Variants in CACFD1 observed in about 807,000 individuals in gnomAD.
CACFD1 encodes the protein calcium channel flower domain containing 1.
A neutral mutation model predicts 21.3 loss-of-function variants in CACFD1; 26 were observed. The observed-to-expected ratio is 1.22, with a 90% CI of 0.89 to 1.69. CACFD1 has a LOEUF of 1.69. Ranked by LOEUF, CACFD1 falls within the 40% of genes most tolerant of loss-of-function variation. CACFD1 has a pLI of 0.00. For missense variants in CACFD1, 265 were observed against 236.2 expected (o/e 1.12, Z -0.80); for synonymous variants, 121 against 106.6 (o/e 1.13, Z -0.83).
Position 133,462,050 on chromosome 9 carries a change from A to G in CACFD1, c.122-1433A>G, listed in dbSNP as rs952943873. The G allele has an allele frequency of 9.3e-6, 12 of 1,289,902 alleles. No individual in the cohort carries two copies. In the African/African-American group the frequency reaches 1.8e-4, roughly 20 times the overall value. The allele number at this position is 1,289,902 out of a possible 1,614,324, so 79.9% of individuals were successfully genotyped here. A position where few individuals can be genotyped will look rare whatever the true frequency, so the allele number is the denominator to read the frequency against. On this transcript the variant is annotated intron_variant, in intron 1 of 4. Transcript: ENST00000316948. ...GGAAGATATCAGCATTGAGGCCCCC[A>G]AGTGGACATCCTCCAGCCCTTTATT...
At chr9:133,462,952 G>C (rs1274627555) in intron 1 of CACFD1, among the ~76,000 whole-genome samples, 1 of 152,212 alleles carries the variant, frequency 6.6e-6, no homozygotes, top group Non-Finnish European at 1.5e-5. Flanking sequence ...TGGAACTGCT[G>C]CTCAGTCTTA....
At position 133,467,912 on chromosome 9, in the gene CACFD1, TC is replaced by T; in HGVS notation, c.321-3del. The stretch of plus-strand genomic sequence containing the variant: ...CGGAGTGCCCCCTTGACCTCTGCTT[TC>T]CCCCCAGGATGGCGGTCGTTCCCAT... On this transcript the variant is annotated splice_polypyrimidine_tract_variant and splice_region_variant and intron_variant, in intron 3 of 4. Transcript: ENST00000316948. 1 of 1,607,380 alleles carries T rather than the reference TC, an allele frequency of 6.2e-7. No homozygotes were observed. Among genetic ancestry groups the T allele is most frequent in the Non-Finnish European group, 8.5e-7 (1 of 1,175,788 alleles).
chr9:133,467,579 G>T (rs892474121), intron 3 of CACFD1, among the ~76,000 whole-genome samples: 1 of 152,212 alleles, frequency 6.6e-6, no homozygotes, highest in Non-Finnish European at 1.5e-5. Flanking sequence ...AAGCTAGTAG[G>T]TCCTGGATGG....
At chr9:133,466,868 C>G (rs782470270) in intron 3 of CACFD1, among the ~76,000 whole-genome samples, 1 of 152,112 alleles carries the variant, frequency 6.6e-6, no homozygotes, top group Non-Finnish European at 1.5e-5. Context: ...ACTTTTTAAC[C>G]TGTGGGAACC....
rs1473192548 is a variant in CACFD1 at position 133,468,793 on chromosome 9, C to T, written c.*140C>T. 1.2e-5 allele frequency: 16 copies of T among 1,390,912 alleles called. No individual in the cohort carries two copies. The highest frequency in any genetic ancestry group is 1.5e-5 in the Non-Finnish European group (16 of 1,059,804). 86.2% of individuals were successfully genotyped at this position (1,390,912 alleles called of 1,614,324 possible). ...TACACCTGGAGTCCTCTGCTCCTTT[C>T]TCCAGACTGGCTTAAGCCAGGAGCC... On this transcript the variant is annotated 3_prime_UTR_variant, in exon 5 of 5. Transcript: ENST00000316948.
Position 133,468,700 on chromosome 9 carries a change from G to C in CACFD1, c.*47G>C. 2.0e-6 allele frequency: 3 copies of C among 1,528,218 alleles called. No individual in the cohort carries two copies. The highest frequency in any genetic ancestry group is 1.8e-6 in the Non-Finnish European group (2 of 1,139,138). The allele number at this position is 1,528,218 out of a possible 1,614,324, so 94.7% of individuals were successfully genotyped here. ...CCTGTCCCCTCTTCTGGCTCTGTGT[G>C]GGTCCAAGTGAGGCCTGGACTGTCC... On this transcript the variant is annotated 3_prime_UTR_variant, in exon 5 of 5. Transcript: ENST00000316948.
chr9:133,462,357 GCAGTGCAACGCTTGAGTC>G, intron 1 of CACFD1: 1 of 1,178,322 alleles, frequency 8.5e-7, no homozygotes, highest in Non-Finnish European at 1.1e-6. Context: ...GTGCTGAGGA[GCAGTGCAACGCTTGAGTC>G]CTTTGTTTTA....
At chr9:133,462,721 G>A (rs1554798797) in intron 1 of CACFD1, among the ~76,000 whole-genome samples, 2 of 152,238 alleles carry the variant, frequency 1.3e-5, no homozygotes, top group African/African-American at 4.8e-5. Context: ...GACCCTGCTG[G>A]TGAGGTGCAG....
In CACFD1 at chr9:133,468,500, G is replaced by C. The variant is rs782530436; in HGVS notation, c.429-63G>C. On this transcript the variant is annotated intron_variant, in intron 4 of 4. Coordinates refer to ENST00000316948, the MANE Select transcript of CACFD1 (RefSeq NM_017586.5). ...GGTCACAGGGCAGGAACCGGGCAGTGGTCAGGAGGGCTGTGGGCATGGGGC... is the reference window on the plus strand; with the variant it reads ...GGTCACAGGGCAGGAACCGGGCAGTCGTCAGGAGGGCTGTGGGCATGGGGC... 10 of 1,546,342 alleles carry C rather than the reference G, an allele frequency of 6.5e-6. No homozygotes were observed. The South Asian group carries it at 1.2e-4, about 18-fold the overall frequency.
rs181211508 is a variant in CACFD1 at position 133,469,578 on chromosome 9, C to T, written c.*925C>T. 5.1e-3 allele frequency: 778 copies of T among 152,604 alleles called. 9 individuals carry two copies. The highest frequency in any genetic ancestry group is 0.018 in the African/African-American group (731 of 41,590). The allele number at this position is 152,604 out of a possible 1,614,324, so 9.5% of individuals were successfully genotyped here. On this transcript the variant is annotated 3_prime_UTR_variant, in exon 5 of 5. Coordinates refer to ENST00000316948, the MANE Select transcript of CACFD1 (RefSeq NM_017586.5). ...AGAACTGGGCAGAGGCCACAGTCAC[C>T]TCCCCACACAGAGCTGTCCCCACTG...
Position 133,463,780 on chromosome 9 carries a change from A to G in CACFD1, c.194+225A>G, listed in dbSNP as rs192138868. On this transcript the variant is annotated intron_variant, in intron 2 of 4. Transcript: ENST00000316948. Reference sequence around the variant, plus strand: ...ATGTTTAGTTTCCTAATGAGAGGTCAAGGCCCAGGGAATGCCCACCCCGGC... The same window carrying G: ...ATGTTTAGTTTCCTAATGAGAGGTCGAGGCCCAGGGAATGCCCACCCCGGC... Among the ~76,000 whole-genome samples the G allele has an allele frequency of 1.6e-3, 245 of 152,352 alleles. 2 individuals are homozygous for G. The highest frequency in any genetic ancestry group is 4.9e-3 in the African/African-American group (202 of 41,582).
At chr9:133,464,673 C>T (rs2130993724) in intron 2 of CACFD1, among the ~76,000 whole-genome samples, 1 of 152,298 alleles carries the variant, frequency 6.6e-6, no homozygotes, top group East Asian at 1.9e-4. Context: ...CCACAGCAGA[C>T]ACCTTCCGTC....
At chr9:133,467,067 C>T (rs587762397) in intron 3 of CACFD1, among the ~76,000 whole-genome samples, 11 of 152,118 alleles carry the variant, frequency 7.2e-5, no homozygotes, top group African/African-American at 1.7e-4. Flanking sequence ...AATTTTTTAA[C>T]GACAGAAAAA....
chr9:133,460,759 C>A (rs1843166744), intron 1 of CACFD1, among the ~76,000 whole-genome samples: 1 of 152,136 alleles, frequency 6.6e-6, no homozygotes, highest in Non-Finnish European at 1.5e-5. Flanking sequence ...GCACAGGTGG[C>A]CCCTGGGGCC....
chr9:133,465,725 G>GT lies in CACFD1; in HGVS notation c.320+278_320+279insT. 1 of 375,694 alleles carries GT rather than the reference G, an allele frequency of 2.7e-6. No individual in the cohort carries two copies. The highest frequency in any genetic ancestry group is 3.7e-5 in the South Asian group (1 of 27,090). The allele number at this position is 375,694 out of a possible 1,614,324, so 23.3% of individuals were successfully genotyped here. Reference sequence around the variant, plus strand: ...AGCATCCGTGCAGTGGAGAGAAAGTGGGAAGCGTCTGGAATTTTGGTCCGT... The same window carrying GT: ...AGCATCCGTGCAGTGGAGAGAAAGTGTGGAAGCGTCTGGAATTTTGGTCCGT... On this transcript the variant is annotated intron_variant, in intron 3 of 4. Transcript: ENST00000316948. This position sits in a 1 kb window ranked among gnomAD's most constrained non-coding sequence, Gnocchi z 5.0.
intron 1 of CACFD1, among the ~76,000 whole-genome samples, chr9:133,463,221 T>C (rs1680979935): frequency 6.6e-6 from 1 of 152,210 alleles, no homozygotes; most frequent in Admixed American, 6.5e-5. Flanking sequence ...CTCTGAGCCC[T>C]GAAACGGGGA....
chr9:133,460,135 G>A lies in CACFD1; in HGVS notation c.69G>A (p.Met23Ile). The change falls in exon 1 of 5, where the codon ATG (methionine) becomes ATA (isoleucine). Residue 23 changes from methionine (M) to isoleucine (I), a missense_variant. Transcript: ENST00000316948. Reference sequence around the variant, plus strand: ...CGCCGCCCGCGCAGGAAGAGGGCATGACGTGGTGGTACCGCTGGCTGTGTC... The same window carrying A: ...CGCCGCCCGCGCAGGAAGAGGGCATAACGTGGTGGTACCGCTGGCTGTGTC... ...SSAPPAQEEG[M>I]TWWYRWLCRL... The A allele has an allele frequency of 6.4e-7, 1 of 1,561,686 alleles. No individual in the cohort carries two copies. The highest frequency in any genetic ancestry group is 8.7e-7 in the Non-Finnish European group (1 of 1,152,750).
rs985777177 is a variant in CACFD1, at chr9:133,460,205, G to A, written c.121+18G>A. On this transcript the variant is annotated intron_variant, in intron 1 of 4. Coordinates refer to ENST00000316948, the MANE Select transcript of CACFD1 (RefSeq NM_017586.5). Reference sequence around the variant, plus strand: ...GGCAGTCTGTGAGTATCCAGTCGGGGAGAGGGGCCGGCCCCGCCGCGCATG... The same window carrying A: ...GGCAGTCTGTGAGTATCCAGTCGGGAAGAGGGGCCGGCCCCGCCGCGCATG... The A allele has an allele frequency of 2.6e-6, 4 of 1,520,232 alleles. No homozygotes were observed. The highest frequency in any genetic ancestry group is 3.5e-6 in the Non-Finnish European group (4 of 1,135,934). The allele number at this position is 1,520,232 out of a possible 1,614,324, so 94.2% of individuals were successfully genotyped here.
chr9:133,460,248 T>C (rs992904111), intron 1 of CACFD1, 61 bp downstream of exon 1: 103 of 1,369,914 alleles, frequency 7.5e-5, no homozygotes, highest in Non-Finnish European at 8.6e-5. Context: ...CGCCCTGCCC[T>C]GCCCCGCCCC....
Sources: gnomAD v4.1 joint callset for allele counts (sites outside exome capture counted in the v4.1 genomes callset) on GRCh38, gnomAD v4.1.1 for gene constraint, Gnocchi (gnomAD v3.1) non-coding constraint, MANE v1.5 for transcripts, NCBI Gene and HGNC (gene_info 2026-07-23, HGNC 2026-07-21) for gene names.